CABLES1: variants seen among roughly 807,000 people sequenced by gnomAD.
CABLES1 encodes the protein Cdk5 and Abl enzyme substrate 1, also known as CDK5 and ABL1 enzyme substrate 1.
Under a neutral mutation model 57.8 loss-of-function variants are expected in CABLES1, and 36 were observed. The observed-to-expected ratio is 0.62, with a 90% CI of 0.48 to 0.82. The LOEUF is 0.82. Among genes scored for constraint, CABLES1 ranks in the 40% least tolerant of loss-of-function variants. CABLES1 has a pLI of 0.00. For missense variants in CABLES1, 767 were observed against 836.6 expected, an observed-to-expected ratio of 0.92 and a Z score of 1.03; for synonymous variants, 374 against 363.0, an observed-to-expected ratio of 1.03 and a Z score of -0.35.
intron 1 of CABLES1, among the ~76,000 whole-genome samples, chr18:23,167,778 C>T (rs1237008718): frequency 6.6e-6 from 1 of 152,010 alleles, no homozygotes; most frequent in Non-Finnish European, 1.5e-5. Context: ...TGGTTCCAAG[C>T]CAGGCTTGCT....
At chr18:23,217,090 G>T (rs150536985) in intron 4 of CABLES1, among the ~76,000 whole-genome samples, 1 of 151,960 alleles carries the variant, frequency 6.6e-6, no homozygotes, top group Non-Finnish European at 1.5e-5. Flanking sequence ...TTTTGTTTTT[G>T]TTTGTTTTTG....
intron 7 of CABLES1, among the ~76,000 whole-genome samples, chr18:23,241,203 G>A (rs1263837229): frequency 3.9e-5 from 6 of 152,078 alleles, no homozygotes; most frequent in Non-Finnish European, 7.4e-5. Flanking sequence ...CCCATGTCAT[G>A]TGTGTCAGTA....
chr18:23,135,096 C>G (rs2046807826), upstream of CABLES1, among the ~76,000 whole-genome samples: 1 of 152,234 alleles, frequency 6.6e-6, no homozygotes. Context: ...ACCCACAACT[C>G]TCCCAGGAGC....
At chr18:23,174,714 C>G (rs922030122) in intron 1 of CABLES1, among the ~76,000 whole-genome samples, 1 of 150,996 alleles carries the variant, frequency 6.6e-6, no homozygotes, top group Non-Finnish European at 1.5e-5. Context: ...CCTCGTAATC[C>G]GCCCACCTTG....
intron 3 of CABLES1, among the ~76,000 whole-genome samples, chr18:23,202,628 C>T (rs1037665354): frequency 2.6e-5 from 4 of 152,180 alleles, no homozygotes; most frequent in South Asian, 2.1e-4. Flanking sequence ...TACACAGCCT[C>T]GCTCATTGCT....
chr18:23,211,528 T>C (rs1323163458), intron 3 of CABLES1, among the ~76,000 whole-genome samples: 3 of 152,228 alleles, frequency 2.0e-5, no homozygotes, highest in African/African-American at 7.2e-5. Flanking sequence ...GCACTGGGCA[T>C]GGTGACCCAC....
chr18:23,191,906 TAAAAAAAAAAAAA>T (rs147984743), intron 2 of CABLES1, among the ~76,000 whole-genome samples: 164 of 82,632 alleles, frequency 2.0e-3, no homozygotes, highest in Non-Finnish European at 2.6e-3. Context: ...GTTGAATGCT[TAAAAAAAAAAAAA>T]AAAAAAAAAA....
chr18:23,159,855 G>A (rs74701041), intron 1 of CABLES1, among the ~76,000 whole-genome samples: 1,747 of 151,720 alleles, frequency 0.012, 30 homozygotes, highest in African/African-American at 0.041. Flanking sequence ...AATTTAGGTA[G>A]AGAAAATGAT....
At chr18:23,245,379 C>A (rs1409500302) in intron 7 of CABLES1, among the ~76,000 whole-genome samples, 1 of 151,904 alleles carries the variant, frequency 6.6e-6, no homozygotes, top group Non-Finnish European at 1.5e-5. Flanking sequence ...GGCGTGGTGG[C>A]GTGCACCTGT....
intron 1 of CABLES1, among the ~76,000 whole-genome samples, chr18:23,157,673 C>T (rs1400779664): frequency 1.5e-5 from 1 of 65,706 alleles, no homozygotes; most frequent in African/African-American, 4.8e-5. Flanking sequence ...ATTATTATCT[C>T]TTCTTAATAA....
At chr18:23,228,796 G>A (rs1201704727) in intron 4 of CABLES1, among the ~76,000 whole-genome samples, 3 of 151,358 alleles carry the variant, frequency 2.0e-5, no homozygotes, top group South Asian at 2.1e-4. Flanking sequence ...TTTTCAGTGT[G>A]CTTGTTGCCT....
chr18:23,199,684 AG>A (rs1208518358), intron 3 of CABLES1, among the ~76,000 whole-genome samples: 6 of 152,238 alleles, frequency 3.9e-5, no homozygotes, highest in African/African-American at 1.4e-4. Flanking sequence ...ACCAGGGGTT[AG>A]GGCAAGAGGG....
At chr18:23,153,218 C>T (rs1041155794) in intron 1 of CABLES1, among the ~76,000 whole-genome samples, 1 of 152,054 alleles carries the variant, frequency 6.6e-6, no homozygotes, top group Non-Finnish European at 1.5e-5. Context: ...ACCTCAGCCA[C>T]CCAAATAGCT....
At chr18:23,194,903 A>T (rs148582435) in intron 3 of CABLES1, among the ~76,000 whole-genome samples, 220 of 152,246 alleles carry the variant, frequency 1.4e-3, no homozygotes, top group African/African-American at 5.2e-3. Flanking sequence ...TTTCACTACC[A>T]CTGTGTGCTC....
chr18:23,241,318 G>A (rs765608763), intron 7 of CABLES1, among the ~76,000 whole-genome samples: 2 of 151,976 alleles, frequency 1.3e-5, no homozygotes, highest in African/African-American at 2.4e-5. Context: ...ATCACTTGAG[G>A]TCAAGAGTTT....
intron 4 of CABLES1, among the ~76,000 whole-genome samples, chr18:23,220,340 T>C (rs1218015892): frequency 6.6e-6 from 1 of 152,220 alleles, no homozygotes; most frequent in Non-Finnish European, 1.5e-5. Context: ...ATGCTTTATA[T>C]GCGCTCACTC....
intron 1 of CABLES1, among the ~76,000 whole-genome samples, chr18:23,148,177 G>A (rs772205193): frequency 2.0e-5 from 3 of 151,948 alleles, no homozygotes; most frequent in Non-Finnish European, 4.4e-5. Flanking sequence ...GTTTAGTAGA[G>A]ACAGGTTTTC....
chr18:23,137,731 C>T (rs1419775078), intron 1 of CABLES1, among the ~76,000 whole-genome samples: 1 of 152,196 alleles, frequency 6.6e-6, no homozygotes, highest in Non-Finnish European at 1.5e-5. Context: ...AACAGGCCCG[C>T]CTCATCCACA....
At chr18:23,150,207 G>GTTTTTTTGTTTTTTTTTTTTTTGTT (rs1555658965) in intron 1 of CABLES1, among the ~76,000 whole-genome samples, 2 of 106,660 alleles carry the variant, frequency 1.9e-5, no homozygotes, top group African/African-American at 8.2e-5. Context: ...GTTGGTGTTT[G>GTTTTTTTGTTTTTTTTTTTTTTGTT]TTTTTTTTTT....
Sources: gnomAD v4.1 joint callset for allele counts (sites outside exome capture counted in the v4.1 genomes callset) on GRCh38, gnomAD v4.1.1 for gene constraint, MANE v1.5 for transcripts, NCBI Gene and HGNC (gene_info 2026-07-23, HGNC 2026-07-21) for gene names.